Variants in COL5A2 observed in about 807,000 individuals in gnomAD.
COL5A2 encodes collagen alpha-2(V) chain.
Under a neutral mutation model 208.2 loss-of-function variants are expected in COL5A2, and 23 were observed. That is an observed-to-expected ratio of 0.11 (90% confidence interval 0.08 to 0.16). COL5A2 has a LOEUF of 0.16. Ranked by LOEUF, COL5A2 falls within the 10% of genes least tolerant of loss-of-function variation. COL5A2 has a pLI of 1.00. For synonymous variants in COL5A2, 625 were observed against 628.5 expected (o/e 0.99, Z 0.08); for missense variants, 1,590 against 1,956.4 (o/e 0.81, Z 3.53).
the COL5A2 span, among the ~76,000 whole-genome samples, chr2:189,417,120 G>A: frequency 1.3e-5 from 2 of 151,968 alleles, no homozygotes; most frequent in Admixed American, 6.6e-5. Context: ...AATTTTAAAC[G>A]TTCTTCTAGA....
In COL5A2 at chr2:189,046,152, G is replaced by A. The variant is rs975773620; in HGVS notation, c.3202-245C>T. On this transcript the variant is annotated intron_variant, in intron 45 of 53. Coordinates refer to ENST00000374866, the MANE Select transcript of COL5A2 (RefSeq NM_000393.5). ...CTCACCTACTCCCTATTGCTCGCAC[G>A]TCAAGATCATTGGAGTATAGGAGTG... Among the ~76,000 whole-genome samples the A allele has an allele frequency of 2.0e-5, 3 of 151,908 alleles. No homozygotes were observed. In the East Asian group the frequency reaches 5.8e-4, roughly 29 times the overall value.
At chr2:189,089,757 G>A (rs1576519446) in intron 7 of COL5A2, among the ~76,000 whole-genome samples, 1 of 152,086 alleles carries the variant, frequency 6.6e-6, no homozygotes, top group African/African-American at 2.4e-5. Flanking sequence ...CTGTTATGAT[G>A]ATCTGTGTTC....
the COL5A2 span, among the ~76,000 whole-genome samples, chr2:189,376,839 G>T: frequency 2.6e-5 from 4 of 151,980 alleles, no homozygotes; most frequent in Admixed American, 2.0e-4. Flanking sequence ...CCAGACAAAG[G>T]CACTATGTTC....
chr2:189,034,684 A>G (rs2153505938), intron 53 of COL5A2, among the ~76,000 whole-genome samples: 1 of 152,262 alleles, frequency 6.6e-6, no homozygotes, highest in South Asian at 2.1e-4. Context: ...TCTGCAGAAG[A>G]ACTGGATCAG....
At chr2:189,420,962 T>C in the COL5A2 span, among the ~76,000 whole-genome samples, 1 of 149,920 alleles carries the variant, frequency 6.7e-6, no homozygotes, top group African/African-American at 2.5e-5. Flanking sequence ...TTAATTTAAA[T>C]ATATTTGAAA....
intron 1 of COL5A2, among the ~76,000 whole-genome samples, chr2:189,191,395 C>T (rs763459123): frequency 1.3e-5 from 2 of 152,042 alleles, no homozygotes; most frequent in Non-Finnish European, 2.9e-5. Flanking sequence ...AATCCCAGCA[C>T]TTTGGGAGGC....
chr2:189,314,703 GA>G, the COL5A2 span, among the ~76,000 whole-genome samples: 1 of 151,876 alleles, frequency 6.6e-6, no homozygotes, highest in Non-Finnish European at 1.5e-5. Flanking sequence ...TAATAAAGAA[GA>G]AAAAGTAGTT....
At chr2:189,363,320 G>A in the COL5A2 span, among the ~76,000 whole-genome samples, 1 of 151,852 alleles carries the variant, frequency 6.6e-6, no homozygotes. Context: ...CCTTTATCAG[G>A]TCCAGGAAGC....
intron 1 of COL5A2, among the ~76,000 whole-genome samples, chr2:189,187,979 G>T (rs1481954455): frequency 1.3e-5 from 1 of 75,068 alleles, no homozygotes; most frequent in African/African-American, 3.5e-5. Flanking sequence ...AAAAAAAAAA[G>T]TTACTATTAA....
the COL5A2 span, among the ~76,000 whole-genome samples, chr2:189,377,490 G>A: frequency 6.6e-6 from 1 of 152,158 alleles, no homozygotes; most frequent in Non-Finnish European, 1.5e-5. Context: ...TGTGTTTCCA[G>A]TTTCTTGAAT....
At chr2:189,225,571 G>T (rs189741565), upstream of COL5A2, among the ~76,000 whole-genome samples, 10 of 152,056 alleles carry the variant, frequency 6.6e-5, no homozygotes, top group Middle Eastern at 3.4e-3. Context: ...TCTGGTGAGG[G>T]CCTGTTTCAT....
rs932581424 is a variant in COL5A2, at chr2:189,052,175, A to G, written c.2766T>C (p.Pro922=). 1.2e-5 allele frequency: 20 copies of G among 1,613,670 alleles called. No homozygotes were observed. Among genetic ancestry groups the G allele is most frequent in the Non-Finnish European group, 1.7e-5 (20 of 1,179,694 alleles). The change falls in exon 41 of 54, where the codon CCT becomes CCC. Residue 922 remains proline, a synonymous_variant. Coordinates refer to ENST00000374866, the MANE Select transcript of COL5A2 (RefSeq NM_000393.5). Reference sequence around the variant, plus strand: ...TTGTCTCACTAAGTTGACTTACAGCAGGGCCTGGAGGTCCAACTCTGCCCG... The same window carrying G: ...TTGTCTCACTAAGTTGACTTACAGCGGGGCCTGGAGGTCCAACTCTGCCCG... ...GSAGRVGPPG[P]AGAPGPAGPL...
chr2:189,253,045 A>G, the COL5A2 span, among the ~76,000 whole-genome samples: 1 of 152,220 alleles, frequency 6.6e-6, no homozygotes, highest in East Asian at 1.9e-4. Flanking sequence ...TTGAAAGGTA[A>G]TTCTGGGGAC....
At chr2:189,433,677 G>A in the COL5A2 span, among the ~76,000 whole-genome samples, 12 of 152,118 alleles carry the variant, frequency 7.9e-5, no homozygotes, top group African/African-American at 2.9e-4. Flanking sequence ...CTCTGAAATT[G>A]AGGCAATAAT....
the COL5A2 span, among the ~76,000 whole-genome samples, chr2:189,273,923 C>A: frequency 6.6e-6 from 1 of 151,818 alleles, no homozygotes; most frequent in Middle Eastern, 3.2e-3. Context: ...TTTGGGAGAT[C>A]TATTGCATAA....
chr2:189,035,889 C>G (rs1041597937), intron 52 of COL5A2, among the ~76,000 whole-genome samples: 1 of 151,960 alleles, frequency 6.6e-6, no homozygotes, highest in East Asian at 1.9e-4. Context: ...ATTCACATTG[C>G]AACAGGCAGT....
chr2:189,122,663 T>C (rs2105738251), intron 1 of COL5A2, among the ~76,000 whole-genome samples: 1 of 152,336 alleles, frequency 6.6e-6, no homozygotes, highest in Non-Finnish European at 1.5e-5. Context: ...TGTACATTTC[T>C]TGAGAATGAA....
chr2:189,420,083 A>AGAAG, the COL5A2 span, among the ~76,000 whole-genome samples: 96 of 139,766 alleles, frequency 6.9e-4, no homozygotes, highest in South Asian at 7.3e-3. Context: ...GGAGGGAGGG[A>AGAAG]GAAGGAAGGA....
chr2:189,268,882 T>G, the COL5A2 span, among the ~76,000 whole-genome samples: 1 of 152,162 alleles, frequency 6.6e-6, no homozygotes, highest in Non-Finnish European at 1.5e-5. Flanking sequence ...GATCCAGCTT[T>G]GCTATTCAGC....
Sources: allele counts gnomAD v4.1 joint callset (sites outside exome capture counted in the v4.1 genomes callset), GRCh38; gene constraint gnomAD v4.1.1; transcripts MANE v1.5; gene names NCBI Gene and HGNC (gene_info 2026-07-23, HGNC 2026-07-21).